Variants in ST3GAL1 observed in about 807,000 individuals in gnomAD.
The protein encoded by ST3GAL1 is ST3 beta-galactoside alpha-2,3-sialyltransferase 1, also known as CMP-N-acetylneuraminate-beta-galactosamide-alpha-2,3-sialyltransferase 1.
In ST3GAL1, 16 loss-of-function variants were observed where a neutral mutation model predicts 34.1. That is an observed-to-expected ratio of 0.47 (90% CI 0.32 to 0.71). The LOEUF (loss-of-function observed/expected upper bound fraction) is 0.71. Ranked by LOEUF, ST3GAL1 falls within the 30% of genes least tolerant of loss-of-function variation. ST3GAL1 has a pLI of 0.04. For synonymous variants in ST3GAL1, 191 were observed against 184.7 expected, an observed-to-expected ratio of 1.03 and a Z score of -0.28; for missense variants, 353 against 447.4, an observed-to-expected ratio of 0.79 and a Z score of 1.90.
rs753278988 is a variant in ST3GAL1 at position 133,466,009 on chromosome 8, G to C, written c.388C>G (p.Pro130Ala). 1.2e-6 allele frequency: 2 copies of C among 1,614,214 alleles called. No individual in the cohort carries two copies. Among genetic ancestry groups the C allele is most frequent in the African/African-American group, 1.3e-5 (1 of 75,066 alleles). The change falls in exon 6 of 10, where the codon CCT (proline) becomes GCT (alanine). Residue 130 changes from proline to alanine, a missense_variant. Pro to Ala is a conservative substitution (Grantham distance 27, BLOSUM62 -1). Coordinates refer to ENST00000522652, the MANE Select transcript of ST3GAL1 (RefSeq NM_173344.3). This position sits in a 1 kb window ranked among gnomAD's most constrained non-coding sequence, Gnocchi z 4.4. ...LFRVVPGNVD[P>A]MLEKRSVGCR... ...CCCACCGACCTCTTCTCCAGCATAG[G>C]GTCCACATTCCCAGGCACCACTCTG...
intron 1 of ST3GAL1, among the ~76,000 whole-genome samples, chr8:133,552,775 C>T (rs1245629959): frequency 6.6e-6 from 1 of 152,198 alleles, no homozygotes; most frequent in East Asian, 1.9e-4. Flanking sequence ...GAAGGCTAAC[C>T]ACTGAGGTCT....
intron 1 of ST3GAL1, among the ~76,000 whole-genome samples, chr8:133,569,327 T>C (rs1246792384): frequency 6.6e-6 from 1 of 152,168 alleles, no homozygotes; most frequent in Non-Finnish European, 1.5e-5. Flanking sequence ...AAGTGTACGA[T>C]GGAACTTTTT....
chr8:133,540,822 TAGACATATATATAGAG>T (rs1563734015), intron 2 of ST3GAL1, among the ~76,000 whole-genome samples: 15 of 76,854 alleles, frequency 2.0e-4, no homozygotes, highest in African/African-American at 4.6e-4. Flanking sequence ...CATATATATA[TAGACATATATATAGAG>T]AGACATATAT....
chr8:133,533,778 C>T (rs1408673439), intron 2 of ST3GAL1, among the ~76,000 whole-genome samples: 2 of 152,152 alleles, frequency 1.3e-5, no homozygotes, highest in East Asian at 3.8e-4. Flanking sequence ...ACCTTCAAAG[C>T]GTTTTCAGTA....
intron 3 of ST3GAL1, chr8:133,487,965 C>T (rs1246180988): frequency 1.1e-4 from 2 of 17,676 alleles, no homozygotes; most frequent in East Asian, 4.2e-3. Context: ...GAGACTCTGT[C>T]GAAAAAAAAA....
chr8:133,508,798 T>C lies in ST3GAL1; in HGVS notation c.-428-9609A>G, dbSNP rs1341525220. ...AGGAGTGAAATATATAGTCCCTCTCTGAAAGCTTGTGCATCATACAAAACA... is the reference window on the plus strand; with the variant it reads ...AGGAGTGAAATATATAGTCCCTCTCCGAAAGCTTGTGCATCATACAAAACA... On this transcript the variant is annotated intron_variant, in intron 2 of 9. Coordinates refer to ENST00000522652, the MANE Select transcript of ST3GAL1 (RefSeq NM_173344.3). The surrounding 1 kb of genome is among the most constrained non-coding windows in gnomAD (Gnocchi z 4.1). Among the ~76,000 whole-genome samples the C allele has an allele frequency of 1.3e-5, 2 of 152,120 alleles. No individual in the cohort carries two copies. The highest frequency in any genetic ancestry group is 2.9e-5 in the Non-Finnish European group (2 of 68,032).
chr8:133,465,078 G>C, intron 6 of ST3GAL1, 121 bp from the exon 7 acceptor site: 1 of 951,186 alleles, frequency 1.1e-6, no homozygotes, highest in Non-Finnish European at 1.6e-6. Flanking sequence ...CCTTCCCCGG[G>C]CCTCCTTCTC....
In ST3GAL1 at chr8:133,540,808, G is replaced by T. The variant is rs866236190; in HGVS notation, c.-429+4966C>A. On this transcript the variant is annotated intron_variant, in intron 2 of 9. Transcript: ENST00000522652. ...ATATATATATAGACATATATATAGA[G>T]AGACATATATATATAGACATATATA... is the stretch of plus-strand genomic sequence containing the variant. 5.8e-3 allele frequency among the ~76,000 whole-genome samples: 581 copies of T among 100,330 alleles called. 5 individuals are homozygous for T. The highest frequency in any genetic ancestry group is 7.2e-3 in the Non-Finnish European group (322 of 44,790). The allele number at this position is 100,330 out of a possible 152,430, so 65.8% of individuals were successfully genotyped here.
intron 1 of ST3GAL1, among the ~76,000 whole-genome samples, chr8:133,563,900 T>C (rs897416622): frequency 1.1e-4 from 16 of 152,182 alleles, no homozygotes; most frequent in African/African-American, 3.9e-4. Context: ...CGTGTAAGGC[T>C]GTCATCAAGG....
chr8:133,538,927 T>G (rs575476680), intron 2 of ST3GAL1, among the ~76,000 whole-genome samples: 1 of 152,222 alleles, frequency 6.6e-6, no homozygotes, highest in East Asian at 1.9e-4. Flanking sequence ...ACTGTTAAGT[T>G]ACTTAACCAG....
At chr8:133,494,349 T>C (rs1273797136) in intron 3 of ST3GAL1, among the ~76,000 whole-genome samples, 2 of 152,128 alleles carry the variant, frequency 1.3e-5, no homozygotes, top group Non-Finnish European at 2.9e-5. Context: ...GAGTTATCAT[T>C]CCCCTTCAAA....
Position 133,459,877 on chromosome 8 carries a change from TG to T in ST3GAL1, c.909del (p.Asn303LysfsTer22). ...SKGNWHHYWENNPSAGAFRKT... is the reference protein window; with the variant it reads ...SKGNWHHYWEXNPSAGAFRKT... ...TTGCGAAAAGCCCCCGCGGATGGGTTGTTCTCCCAGTAGTGGTGCCAGTTCC... is the reference window on the plus strand; with the variant it reads ...TTGCGAAAAGCCCCCGCGGATGGGTTTTCTCCCAGTAGTGGTGCCAGTTCC... On this transcript the variant is annotated frameshift_variant, in exon 10 of 10. Coordinates refer to ENST00000522652, the MANE Select transcript of ST3GAL1 (RefSeq NM_173344.3). LOFTEE classifies it high-confidence loss of function. This position sits in a 1 kb window ranked among gnomAD's most constrained non-coding sequence, Gnocchi z 4.7. The T allele has an allele frequency of 6.2e-7, 1 of 1,614,148 alleles. No homozygotes were observed. The highest frequency in any genetic ancestry group is 8.5e-7 in the Non-Finnish European group (1 of 1,180,008).
chr8:133,533,004 AG>A (rs1336154756), intron 2 of ST3GAL1, among the ~76,000 whole-genome samples: 1 of 152,244 alleles, frequency 6.6e-6, no homozygotes, highest in East Asian at 1.9e-4. Flanking sequence ...CTGAAGGAGT[AG>A]GTATAAATTA....
chr8:133,550,568 G>A (rs1393008100), intron 1 of ST3GAL1, among the ~76,000 whole-genome samples: 1 of 152,166 alleles, frequency 6.6e-6, no homozygotes, highest in Admixed American at 6.5e-5. Context: ...CTATCATCCT[G>A]TTCCAGCCCA....
At chr8:133,553,569 A>T (rs776221022) in intron 1 of ST3GAL1, among the ~76,000 whole-genome samples, 1 of 152,208 alleles carries the variant, frequency 6.6e-6, no homozygotes, top group Non-Finnish European at 1.5e-5. Context: ...TCTTTTGGTG[A>T]TGGGGATAAT....
chr8:133,481,841 T>C (rs565202237), intron 3 of ST3GAL1, among the ~76,000 whole-genome samples: 1 of 152,134 alleles, frequency 6.6e-6, no homozygotes, highest in Admixed American at 6.5e-5. Context: ...TCTTAGACTC[T>C]GGACCCATGA....
intron 2 of ST3GAL1, among the ~76,000 whole-genome samples, chr8:133,543,249 C>T (rs1211550145): frequency 6.6e-6 from 1 of 152,194 alleles, no homozygotes; most frequent in East Asian, 1.9e-4. Flanking sequence ...CTGGCCTGAA[C>T]TTGTCAAAAA....
chr8:133,540,932 GACATATAT>G (rs1818479301), intron 2 of ST3GAL1, among the ~76,000 whole-genome samples: 1 of 27,986 alleles, frequency 3.6e-5, no homozygotes, highest in Non-Finnish European at 7.3e-5. Context: ...TATATATATA[GACATATAT>G]AGACATATAT....
Position 133,458,681 on chromosome 8 carries a change from G to T in ST3GAL1, c.*1083C>A, listed in dbSNP as rs950247031. 1 of 152,190 alleles carries T rather than the reference G, an allele frequency of 6.6e-6. No individual in the cohort carries two copies. Among genetic ancestry groups the T allele is most frequent in the Non-Finnish European group, 1.5e-5 (1 of 68,054 alleles). The allele number at this position is 152,190 out of a possible 1,614,324, so 9.4% of individuals were successfully genotyped here. A position where few individuals can be genotyped will look rare whatever the true frequency, so the allele number is the denominator to read the frequency against. The stretch of plus-strand genomic sequence containing the variant: ...GGAGCAAGCAGGGCCGCTGGTGGGG[G>T]TCCCTTTTCCCAAGTAAGGGCTTTT... On this transcript the variant is annotated 3_prime_UTR_variant, in exon 10 of 10. Coordinates refer to ENST00000522652, the MANE Select transcript of ST3GAL1 (RefSeq NM_173344.3).
Sources: gnomAD v4.1 joint callset for allele counts (sites outside exome capture counted in the v4.1 genomes callset) on GRCh38, gnomAD v4.1.1 for gene constraint, Gnocchi (gnomAD v3.1) non-coding constraint, MANE v1.5 for transcripts, NCBI Gene and HGNC (gene_info 2026-07-23, HGNC 2026-07-21) for gene names.